Variants in PSRC1 observed in about 807,000 individuals in gnomAD.
PSRC1 encodes the protein proline and serine rich coiled-coil 1.
PSRC1 carries 30 observed loss-of-function variants against 31.9 expected under a neutral mutation model. The ratio of observed to expected loss-of-function variants is 0.94; its 90% confidence interval spans 0.70 to 1.28. The LOEUF (loss-of-function observed/expected upper bound fraction) is 1.28. Among genes scored for constraint, PSRC1 ranks in the 50% most tolerant of loss-of-function variants. The pLI is 0.00. For missense variants in PSRC1, 481 were observed against 472.8 expected, an observed-to-expected ratio of 1.02 and a Z score of -0.16; for synonymous variants, 191 against 192.1, an observed-to-expected ratio of 0.99 and a Z score of 0.05.
intron 4 of PSRC1, 100 bp from the exon 5 acceptor site, chr1:109,281,351 C>T: frequency 1.8e-6 from 2 of 1,087,448 alleles, no homozygotes; most frequent in South Asian, 1.7e-5. Context: ...TGTCTACATC[C>T]CAGTAAGGAA....
chr1:109,279,955 G>T, exon 7 of PSRC1: 1 of 692,010 alleles, frequency 1.4e-6, no homozygotes, highest in East Asian at 2.5e-5. Context: ...AACCCAGAGA[G>T]TTTAAGTCTT....
Position 109,282,186 on chromosome 1 carries a change from G to C in PSRC1, c.78-126C>G, listed in dbSNP as rs548045527. On this transcript the variant is annotated intron_variant, in intron 3 of 6. Coordinates refer to ENST00000409138, the Ensembl canonical transcript of PSRC1. Reference sequence around the variant, plus strand: ...GACCCTAGGCCCCGATGCCCATGCTGGCTGTGAGATGTGGCCTCTGGGCGA... The same window carrying C: ...GACCCTAGGCCCCGATGCCCATGCTCGCTGTGAGATGTGGCCTCTGGGCGA... The C allele has an allele frequency of 6.1e-5, 54 of 883,830 alleles. No homozygotes were observed. The East Asian group carries it at 1.3e-3, about 21-fold the overall frequency. The allele number at this position is 883,830 out of a possible 1,614,324, so 54.7% of individuals were successfully genotyped here.
intron 3 of PSRC1, 79 bp downstream of exon 3, chr1:109,282,439 A>G: frequency 7.1e-7 from 1 of 1,409,428 alleles, no homozygotes. Context: ...TACCAACCCA[A>G]GCCAATAATT....
intron 4 of PSRC1, 21 bp from the exon 5 acceptor site, chr1:109,281,272 G>GA (rs749358142): frequency 3.9e-6 from 6 of 1,531,646 alleles, no homozygotes; most frequent in Non-Finnish European, 5.3e-6. Context: ...AAGAGAGAGA[G>GA]AAAAAAGACT....
intron 3 of PSRC1, 188 bp from the exon 4 acceptor site, chr1:109,282,248 A>G: frequency 1.6e-6 from 1 of 624,962 alleles, no homozygotes; most frequent in Non-Finnish European, 2.8e-6. Context: ...ATAGGCCTTT[A>G]GCATTTACGG....
At position 109,281,187 on chromosome 1, in the gene PSRC1, G is replaced by T; in HGVS notation, c.584C>A (p.Ser195Ter). The T allele has an allele frequency of 1.2e-6, 2 of 1,613,560 alleles. No individual in the cohort carries two copies. The highest frequency in any genetic ancestry group is 8.5e-7 in the Non-Finnish European group (1 of 1,179,764). ...GGCTCTCCCCCGGACTGGGGGAGTC[G>T]ATCGGGTAAGAGGAGAAGATGCTGG... is the stretch of plus-strand genomic sequence containing the variant. The change falls in exon 5 of 7, where the codon TCG (serine) becomes TAG (stop). Residue 195 changes from serine to a stop codon, truncating the protein, a stop_gained. Coordinates refer to ENST00000409138, the Ensembl canonical transcript of PSRC1. LOFTEE classifies it high-confidence loss of function.
intron 5 of PSRC1, 75 bp downstream of exon 6, chr1:109,280,702 T>G: frequency 8.0e-7 from 1 of 1,242,876 alleles, no homozygotes; most frequent in Non-Finnish European, 1.1e-6. Flanking sequence ...ATGGCAAAAG[T>G]GGTCACTGTT....
exon 4 of PSRC1, chr1:109,281,793 C>A: frequency 1.2e-6 from 2 of 1,614,122 alleles, no homozygotes; most frequent in South Asian, 2.2e-5. Context: ...GCACAAAGGT[C>A]TCCCGCCGAG....
chr1:109,281,179 G>T, exon 5 of PSRC1: 1 of 1,613,676 alleles, frequency 6.2e-7, no homozygotes, highest in South Asian at 1.1e-5. Context: ...CCCCGGACTG[G>T]GGGAGTCGAT....
intron 2 of PSRC1, 51 bp downstream of exon 2, chr1:109,282,629 A>G: frequency 6.2e-7 from 1 of 1,606,822 alleles, no homozygotes; most frequent in Non-Finnish European, 8.5e-7. Flanking sequence ...GCAGCTCTCC[A>G]TCGCTGGGTC....
chr1:109,280,869 C>T (rs1201642462), exon 5 of PSRC1: 2 of 1,613,948 alleles, frequency 1.2e-6, no homozygotes. Context: ...TAGGGCACCT[C>T]TGCCAGGTGG....
chr1:109,281,997 G>A (rs1017815306), exon 4 of PSRC1: 1 of 1,514,964 alleles, frequency 6.6e-7, no homozygotes, highest in Non-Finnish European at 8.8e-7. Context: ...CACTTCGGTG[G>A]GAGAGGCCCC....
At chr1:109,279,667 C>T (rs924524546) in exon 7 of PSRC1, 14 of 162,886 alleles carry the variant, frequency 8.6e-5, no homozygotes, top group African/African-American at 2.6e-4. Context: ...GAAACAATTT[C>T]TGAAGACCAG....
In PSRC1 at chr1:109,281,170, C is replaced by T. The variant is rs761749353; in HGVS notation, c.601G>A (p.Gly201Arg). 1 of 1,613,594 alleles carries T rather than the reference C, an allele frequency of 6.2e-7. No individual in the cohort carries two copies. The highest frequency in any genetic ancestry group is 1.1e-5 in the South Asian group (1 of 90,964). ...GCTCTCCCACTGGGCCCGGCTCTCC[C>T]CCGGACTGGGGGAGTCGATCGGGTA... is the stretch of plus-strand genomic sequence containing the variant. Residue 201 changes from glycine (G) to arginine (R), a missense_variant, in exon 5 of 7, where the codon GGG becomes AGG. Coordinates refer to ENST00000409138, the Ensembl canonical transcript of PSRC1.
At chr1:109,282,348 T>C in intron 3 of PSRC1, 170 bp downstream of exon 3, 2 of 640,724 alleles carry the variant, frequency 3.1e-6, no homozygotes, top group East Asian at 2.7e-5. Context: ...TTCTCCCTTC[T>C]CTCCCCGCTA....
exon 5 of PSRC1, chr1:109,281,196 AGAG>A (rs1657050635): frequency 2.5e-6 from 4 of 1,613,344 alleles, no homozygotes; most frequent in Non-Finnish European, 2.5e-6. Flanking sequence ...CGATCGGGTA[AGAG>A]GAGAAGATGC....
chr1:109,281,078 C>T (rs771178654), exon 5 of PSRC1: 1 of 1,613,188 alleles, frequency 6.2e-7, no homozygotes, highest in East Asian at 2.2e-5. Context: ...ATTTCAGGGT[C>T]AATCCCACAA....
intron 4 of PSRC1, 39 bp downstream of exon 4, chr1:109,281,580 T>G: frequency 6.5e-7 from 1 of 1,535,250 alleles, no homozygotes; most frequent in South Asian, 1.2e-5. Context: ...GCACACACCA[T>G]GTCTGGGGCA....
At chr1:109,281,517 T>A in intron 4 of PSRC1, 102 bp downstream of exon 4, 1 of 1,051,036 alleles carries the variant, frequency 9.5e-7, no homozygotes, top group East Asian at 2.4e-5. Context: ...CAATTCTAGA[T>A]GTAGAAATGC....
Sources: allele counts gnomAD v4.1 joint callset, GRCh38; gene constraint gnomAD v4.1.1; transcripts MANE v1.5; gene names NCBI Gene and HGNC (gene_info 2026-07-23, HGNC 2026-07-21).